CSGALNACT1: variants seen among roughly 807,000 people sequenced by gnomAD.
The protein encoded by CSGALNACT1 is chondroitin sulfate N-acetylgalactosaminyltransferase 1.
A neutral mutation model predicts 51.0 loss-of-function variants in CSGALNACT1; 52 were observed. That is an observed-to-expected ratio of 1.02 (90% CI 0.82 to 1.29). CSGALNACT1 has a LOEUF of 1.29. Ranked by LOEUF, CSGALNACT1 falls within the 50% of genes most tolerant of loss-of-function variation. The pLI is 0.00. For synonymous variants in CSGALNACT1, 341 were observed against 254.4 expected (o/e 1.34, Z -3.24); for missense variants, 935 against 679.2 (o/e 1.38, Z -4.19).
intron 1 of CSGALNACT1, among the ~76,000 whole-genome samples, chr8:19,727,122 T>C (rs2063442771): frequency 1.3e-5 from 2 of 152,160 alleles, no homozygotes; most frequent in Admixed American, 1.3e-4. Flanking sequence ...CGACCTGCTT[T>C]TCAATCACAC....
At chr8:19,584,882 G>A (rs1471337103) in intron 3 of CSGALNACT1, among the ~76,000 whole-genome samples, 1 of 152,178 alleles carries the variant, frequency 6.6e-6, no homozygotes, top group Non-Finnish European at 1.5e-5. Context: ...AGCAAGGGAT[G>A]GTGACACTGT....
At position 19,571,771 on chromosome 8, in the gene CSGALNACT1, C is replaced by G. The variant is rs535748420; in HGVS notation, c.-297+19389G>C. ...TTTTCAGAGCTTTAAAGCAAACCTA[C>G]AGTCCCTCAGCAAAATGGGAACAGA... On this transcript the variant is annotated intron_variant, in intron 3 of 9. Transcript: ENST00000454498. Among the ~76,000 whole-genome samples the G allele has an allele frequency of 2.6e-5, 4 of 152,316 alleles. No homozygotes were observed. In the South Asian group the frequency reaches 8.3e-4, roughly 32 times the overall value.
chr8:19,620,622 T>C (rs1321451628), intron 1 of CSGALNACT1, among the ~76,000 whole-genome samples: 1 of 151,972 alleles, frequency 6.6e-6, no homozygotes, highest in Non-Finnish European at 1.5e-5. Context: ...ATTGTTGAGA[T>C]GGGGGTCTCA....
At position 19,416,925 on chromosome 8, in the gene CSGALNACT1, C is replaced by T. The variant is rs183072711; in HGVS notation, c.1227+1731G>A. 2.6e-5 allele frequency among the ~76,000 whole-genome samples: 4 copies of T among 151,746 alleles called. No homozygotes were observed. The South Asian group carries it at 6.3e-4, about 24-fold the overall frequency. ...TCACCCAGGATGGAGTGCAGTGGTG[C>T]GATCTCAGCTCACTACAGCCTCTGC... On this transcript the variant is annotated intron_variant, in intron 8 of 9. Coordinates refer to ENST00000454498, the Ensembl canonical transcript of CSGALNACT1.
upstream of CSGALNACT1, among the ~76,000 whole-genome samples, chr8:19,684,303 A>T (rs1199049463): frequency 6.6e-6 from 1 of 152,214 alleles, no homozygotes; most frequent in African/African-American, 2.4e-5. Flanking sequence ...TGGCATTTCA[A>T]ATCAATGGGA....
chr8:19,529,861 C>T (rs1563918478), intron 3 of CSGALNACT1, among the ~76,000 whole-genome samples: 1 of 152,120 alleles, frequency 6.6e-6, no homozygotes, highest in Non-Finnish European at 1.5e-5. Flanking sequence ...CAATGTGATG[C>T]TATGTAAATA....
At chr8:19,638,197 C>A (rs1267147301) in intron 1 of CSGALNACT1, among the ~76,000 whole-genome samples, 1 of 149,102 alleles carries the variant, frequency 6.7e-6, no homozygotes, top group African/African-American at 2.5e-5. Flanking sequence ...AGGACAGCCA[C>A]ATCCACCTCA....
At chr8:19,713,341 A>G (rs1307180951) in intron 1 of CSGALNACT1, among the ~76,000 whole-genome samples, 1 of 152,218 alleles carries the variant, frequency 6.6e-6, no homozygotes. Flanking sequence ...GCAGGACTCA[A>G]GTGCACTTCA....
chr8:19,498,805 T>C (rs2075923100), intron 4 of CSGALNACT1, among the ~76,000 whole-genome samples: 1 of 152,162 alleles, frequency 6.6e-6, no homozygotes. Context: ...GGAAGAACAG[T>C]GATATCTCTA....
chr8:19,491,799 G>T (rs922209491), intron 4 of CSGALNACT1, among the ~76,000 whole-genome samples: 1 of 152,166 alleles, frequency 6.6e-6, no homozygotes, highest in Non-Finnish European at 1.5e-5. Context: ...ATTTGCAAAC[G>T]ACACAACTGA....
intron 1 of CSGALNACT1, among the ~76,000 whole-genome samples, chr8:19,734,049 A>G (rs1430537053): frequency 6.6e-6 from 1 of 152,204 alleles, no homozygotes; most frequent in Non-Finnish European, 1.5e-5. Context: ...AGGCTCCTCA[A>G]TCAAGGGATG....
At chr8:19,576,440 G>A (rs375955841) in intron 3 of CSGALNACT1, among the ~76,000 whole-genome samples, 3 of 152,128 alleles carry the variant, frequency 2.0e-5, no homozygotes, top group East Asian at 3.9e-4. Flanking sequence ...TGATCCAGTC[G>A]CCTCAGCCTC....
intron 6 of CSGALNACT1, among the ~76,000 whole-genome samples, chr8:19,421,588 T>G (rs1348740610): frequency 6.6e-6 from 1 of 152,106 alleles, no homozygotes; most frequent in Non-Finnish European, 1.5e-5. Flanking sequence ...TGCCCCAACT[T>G]CTCTCTACTG....
intron 3 of CSGALNACT1, among the ~76,000 whole-genome samples, chr8:19,544,967 A>G (rs2086118779): frequency 6.6e-6 from 1 of 152,078 alleles, no homozygotes; most frequent in Non-Finnish European, 1.5e-5. Flanking sequence ...AAAAATGGGA[A>G]CCAGGGGAGA....
intron 1 of CSGALNACT1, among the ~76,000 whole-genome samples, chr8:19,756,715 G>A (rs1226796247): frequency 6.6e-6 from 1 of 151,888 alleles, no homozygotes; most frequent in African/African-American, 2.4e-5. Context: ...GCTGCCCACC[G>A]GCCACCCTCG....
chr8:19,545,093 AG>A (rs1273992096), intron 3 of CSGALNACT1, among the ~76,000 whole-genome samples: 2 of 152,116 alleles, frequency 1.3e-5, no homozygotes, highest in Non-Finnish European at 2.9e-5. Flanking sequence ...AGCACAGTGA[AG>A]TCACTCCATG....
chr8:19,524,136 A>T (rs141155019), intron 3 of CSGALNACT1, among the ~76,000 whole-genome samples: 13 of 152,230 alleles, frequency 8.5e-5, no homozygotes, highest in African/African-American at 3.1e-4. Context: ...TCTAAAACAT[A>T]AAAATTAGCT....
chr8:19,446,988 C>T (rs1267085824), intron 5 of CSGALNACT1, among the ~76,000 whole-genome samples: 2 of 152,296 alleles, frequency 1.3e-5, no homozygotes, highest in African/African-American at 4.8e-5. Flanking sequence ...TATCACAAAA[C>T]ATGTATCACA....
intron 3 of CSGALNACT1, among the ~76,000 whole-genome samples, chr8:19,523,238 C>T (rs1381816190): frequency 6.6e-6 from 1 of 152,114 alleles, no homozygotes; most frequent in Non-Finnish European, 1.5e-5. Flanking sequence ...GTAAGATGTT[C>T]CTCAACAGCA....
Sources: gnomAD v4.1 joint callset for allele counts (sites outside exome capture counted in the v4.1 genomes callset) on GRCh38, gnomAD v4.1.1 for gene constraint, MANE v1.5 for transcripts, NCBI Gene and HGNC (gene_info 2026-07-23, HGNC 2026-07-21) for gene names.